PRRG2: variants seen among roughly 807,000 people sequenced by gnomAD.
PRRG2 encodes the protein transmembrane gamma-carboxyglutamic acid protein 2.
In PRRG2, 23 loss-of-function variants were observed where a neutral mutation model predicts 27.1. The observed-to-expected ratio is 0.85, with a 90% CI of 0.61 to 1.20. The LOEUF is 1.20. PRRG2 is among the 50% of genes most tolerant of loss of function. The pLI is 0.00. For synonymous variants in PRRG2, 104 were observed against 103.4 expected (o/e 1.01, Z -0.03); for missense variants, 276 against 254.8 (o/e 1.08, Z -0.57).
At position 49,583,895 on chromosome 19, in the gene PRRG2, C is replaced by T. The variant is rs773567250; in HGVS notation, c.262-18C>T. On this transcript the variant is annotated intron_variant, in intron 3 of 6. Coordinates refer to ENST00000246794, the MANE Select transcript of PRRG2 (RefSeq NM_000951.3). Reference sequence around the variant, plus strand: ...ATTCCTGCTTTTTCCCCTTCTTTTCCACTCCTTCCCCCTCAAGGAGCGCTT... The same window carrying T: ...ATTCCTGCTTTTTCCCCTTCTTTTCTACTCCTTCCCCCTCAAGGAGCGCTT... 2.2e-5 allele frequency: 36 copies of T among 1,613,456 alleles called. No individual in the cohort carries two copies. The highest frequency in any genetic ancestry group is 1.6e-4 in the Middle Eastern group (1 of 6,084).
intron 4 of PRRG2, among the ~76,000 whole-genome samples, chr19:49,586,166 C>G (rs143181307): frequency 2.5e-4 from 38 of 151,712 alleles, no homozygotes; most frequent in Admixed American, 1.6e-3. Flanking sequence ...ACTGCAGCCT[C>G]GACCTCCTAG....
chr19:49,582,520 A>C (rs1471844046), intron 1 of PRRG2, among the ~76,000 whole-genome samples: 2 of 151,960 alleles, frequency 1.3e-5, no homozygotes, highest in African/African-American at 4.8e-5. Flanking sequence ...CAGCACCAGC[A>C]CTTTGGGAGG....
At chr19:49,586,291 T>C (rs1191371000) in intron 4 of PRRG2, among the ~76,000 whole-genome samples, 1 of 151,662 alleles carries the variant, frequency 6.6e-6, no homozygotes, top group African/African-American at 2.4e-5. Context: ...CTGTGCTGTG[T>C]TGTCTACGCT....
At position 49,583,403 on chromosome 19, in the gene PRRG2, A is replaced by C. The variant is rs190412961; in HGVS notation, c.85+99A>C. On this transcript the variant is annotated intron_variant, in intron 2 of 6. Transcript: ENST00000246794. The stretch of plus-strand genomic sequence containing the variant: ...TTCCTCTTCCAGGAGTCCAGGACCC[A>C]GCCCCTTCCTCCTTCAGACCCAGGA... 1.4e-4 allele frequency: 215 copies of C among 1,516,800 alleles called. No homozygotes were observed. In the African/African-American group the frequency reaches 2.8e-3, roughly 20 times the overall value. 94.0% of individuals were successfully genotyped at this position (1,516,800 alleles called of 1,614,324 possible).
intron 4 of PRRG2, 54 bp from the exon 5 acceptor site, chr19:49,588,443 T>C: frequency 6.5e-7 from 1 of 1,543,052 alleles, no homozygotes; most frequent in Non-Finnish European, 8.7e-7. Flanking sequence ...ATTTTGATGT[T>C]GGGGTGGGTG....
At chr19:49,589,582 C>A (rs969638775) in intron 5 of PRRG2, among the ~76,000 whole-genome samples, 1 of 151,656 alleles carries the variant, frequency 6.6e-6, no homozygotes, top group Non-Finnish European at 1.5e-5. Flanking sequence ...TACAGGTGTG[C>A]GCCATGCACC....
Position 49,589,615 on chromosome 19 carries a change from A to G in PRRG2, c.438-285A>G, listed in dbSNP as rs112540278. Among the ~76,000 whole-genome samples, 512 of 149,538 alleles carry G rather than the reference A, an allele frequency of 3.4e-3. 4 individuals carry two copies. The highest frequency in any genetic ancestry group is 6.1e-3 in the Non-Finnish European group (414 of 67,504). Reference sequence around the variant, plus strand: ...ACCCGGCAGGGCTGTCTTTTTCTCTATTGCTCTGCCTGTATCTGGTGCACA... The same window carrying G: ...ACCCGGCAGGGCTGTCTTTTTCTCTGTTGCTCTGCCTGTATCTGGTGCACA... On this transcript the variant is annotated intron_variant, in intron 5 of 6. Transcript: ENST00000246794.
chr19:49,588,459 C>T (rs980044436), intron 4 of PRRG2, 38 bp from the exon 5 acceptor site: 3 of 1,564,436 alleles, frequency 1.9e-6, no homozygotes, highest in African/African-American at 1.4e-5. Flanking sequence ...GGGTGGCAGT[C>T]CCCGAGACAG....
intron 5 of PRRG2, among the ~76,000 whole-genome samples, chr19:49,589,279 C>T (rs146302018): frequency 1.9e-4 from 29 of 152,000 alleles, no homozygotes; most frequent in Non-Finnish European, 3.8e-4. Flanking sequence ...AGGCGCACTC[C>T]ACTACGCCCA....
intron 4 of PRRG2, among the ~76,000 whole-genome samples, chr19:49,585,284 C>G (rs938364541): frequency 6.6e-6 from 1 of 152,328 alleles, no homozygotes; most frequent in Middle Eastern, 3.4e-3. Flanking sequence ...TGCCCCACCC[C>G]CTTGTGGCCC....
At chr19:49,585,845 C>T (rs549216230) in intron 4 of PRRG2, among the ~76,000 whole-genome samples, 158 of 151,652 alleles carry the variant, frequency 1.0e-3, no homozygotes, top group Admixed American at 7.1e-3. Context: ...TTTGGGAGGC[C>T]GAGGCAAGCA....
chr19:49,590,351 G>C lies in PRRG2; in HGVS notation c.591-20G>C. 1 of 1,614,152 alleles carries C rather than the reference G, an allele frequency of 6.2e-7. No homozygotes were observed. The highest frequency in any genetic ancestry group is 8.5e-7 in the Non-Finnish European group (1 of 1,180,004). ...AAACAGCCAGATCTTTGACTCCCTA[G>C]TGTGCCTTTCCTCTTGCAGCCTCAG... is the stretch of plus-strand genomic sequence containing the variant. On this transcript the variant is annotated intron_variant, in intron 6 of 6. Coordinates refer to ENST00000246794, the MANE Select transcript of PRRG2 (RefSeq NM_000951.3).
intron 3 of PRRG2, 87 bp downstream of exon 3, chr19:49,583,804 C>G: frequency 6.2e-7 from 1 of 1,604,914 alleles, no homozygotes; most frequent in South Asian, 1.1e-5. Flanking sequence ...TGGCCTTCAG[C>G]TCCCTCCTCC....
At chr19:49,583,427 G>A (rs1180367860) in intron 2 of PRRG2, 115 bp from the exon 3 acceptor site, 1 of 1,505,536 alleles carries the variant, frequency 6.6e-7, no homozygotes, top group Non-Finnish European at 9.1e-7. Flanking sequence ...TCAGACCCAG[G>A]AATCTGGATT....
At chr19:49,581,742 C>T (rs1599772822) in intron 1 of PRRG2, among the ~76,000 whole-genome samples, 1 of 152,174 alleles carries the variant, frequency 6.6e-6, no homozygotes, top group East Asian at 1.9e-4. Context: ...TCCAGATCAC[C>T]AGTGGACATG....
At position 49,583,604 on chromosome 19, in the gene PRRG2, G is replaced by C; in HGVS notation, c.148G>C (p.Ala50Pro). 1 of 1,614,220 alleles carries C rather than the reference G, an allele frequency of 6.2e-7. No homozygotes were observed. The highest frequency in any genetic ancestry group is 1.3e-5 in the African/African-American group (1 of 75,050). Reference sequence around the variant, plus strand: ...GAGTAGCCATACCCGGATTCCAAGAGCCAACCACTGGGACCTGGAGCTGCT... The same window carrying C: ...GAGTAGCCATACCCGGATTCCAAGACCCAACCACTGGGACCTGGAGCTGCT... ...FLSSHTRIPR[A>P]NHWDLELLTP... is the part of the protein sequence containing the mutation. The change falls in exon 3 of 7, where the codon GCC becomes CCC. Residue 50 changes from alanine (A) to proline (P), a missense_variant. Ala to Pro is a conservative substitution (Grantham distance 27). Transcript: ENST00000246794.
At chr19:49,582,115 C>T (rs1229218939) in intron 1 of PRRG2, among the ~76,000 whole-genome samples, 1 of 151,324 alleles carries the variant, frequency 6.6e-6, no homozygotes, top group East Asian at 2.0e-4. Context: ...GTGGTGCGCA[C>T]CTGTAATCTC....
rs2080715017 is a variant in PRRG2, at chr19:49,590,715, T to G, written c.*326T>G. ...GGAGCCCAGCCCCGGCTGTGCCATC[T>G]TGTGTATGGGCAGATATGACCTGAC... On this transcript the variant is annotated 3_prime_UTR_variant, in exon 7 of 7. Transcript: ENST00000246794. The G allele has an allele frequency of 6.8e-6, 3 of 443,918 alleles. No individual in the cohort carries two copies. The East Asian group carries it at 1.3e-4, about 20-fold the overall frequency. The allele number at this position is 443,918 out of a possible 1,614,324, so 27.5% of individuals were successfully genotyped here. A position where few individuals can be genotyped will look rare whatever the true frequency, so the allele number is the denominator to read the frequency against.
chr19:49,582,521 C>T (rs929083916), intron 1 of PRRG2, among the ~76,000 whole-genome samples: 1 of 151,936 alleles, frequency 6.6e-6, no homozygotes, highest in African/African-American at 2.4e-5. Context: ...AGCACCAGCA[C>T]TTTGGGAGGC....
Sources: allele counts gnomAD v4.1 joint callset (sites outside exome capture counted in the v4.1 genomes callset), GRCh38; gene constraint gnomAD v4.1.1; transcripts MANE v1.5; gene names NCBI Gene and HGNC (gene_info 2026-07-23, HGNC 2026-07-21).